The following DSCAM variants were observed in gnomAD, a reference collection of about 807,000 sequenced individuals.
DSCAM encodes DS cell adhesion molecule, also known as cell adhesion molecule DSCAM.
Under a neutral mutation model 217.7 loss-of-function variants are expected in DSCAM, and 47 were observed. The ratio of observed to expected loss-of-function variants is 0.22; its 90% CI spans 0.17 to 0.28. The LOEUF is 0.28. Ranked by LOEUF, DSCAM falls within the 10% of genes least tolerant of loss-of-function variation. The pLI, the probability that DSCAM is intolerant of heterozygous loss-of-function variation, is 1.00. For missense variants in DSCAM, 2,080 were observed against 2,618.3 expected, an observed-to-expected ratio of 0.79 and a Z score of 4.49; for synonymous variants, 1,056 against 1,015.3, an observed-to-expected ratio of 1.04 and a Z score of -0.76.
chr21:40,431,241 CA>C, intron 3 of DSCAM, among the ~76,000 whole-genome samples: 1 of 152,322 alleles, frequency 6.6e-6, no homozygotes, highest in Non-Finnish European at 1.5e-5. Flanking sequence ...TCTGCAGTTT[CA>C]CTGATACACA....
At chr21:40,205,467 G>T (rs2091114174) in intron 11 of DSCAM, among the ~76,000 whole-genome samples, 1 of 152,120 alleles carries the variant, frequency 6.6e-6, no homozygotes. Context: ...ACTGGGCATG[G>T]TGATGGTAGC....
intron 3 of DSCAM, among the ~76,000 whole-genome samples, chr21:40,638,392 C>A (rs886618685): frequency 7.9e-5 from 12 of 152,114 alleles, no homozygotes; most frequent in African/African-American, 2.9e-4. Context: ...TTATTTCTAT[C>A]AAAAATGAAT....
chr21:40,053,811 C>G (rs373321006), intron 29 of DSCAM, among the ~76,000 whole-genome samples: 1 of 152,156 alleles, frequency 6.6e-6, no homozygotes, highest in Non-Finnish European at 1.5e-5. Context: ...GTTAAGCCCC[C>G]CAGTGACCAG....
chr21:40,768,029 T>A (rs1017024771), intron 1 of DSCAM, among the ~76,000 whole-genome samples: 1 of 152,202 alleles, frequency 6.6e-6, no homozygotes, highest in Non-Finnish European at 1.5e-5. Flanking sequence ...ATGAATGTGA[T>A]TAAGTGGAAA....
chr21:40,688,681 T>C lies in DSCAM; in HGVS notation c.508+4129A>G, dbSNP rs9653730. Among the ~76,000 whole-genome samples the C allele has an allele frequency of 8.4e-3, 1,273 of 152,296 alleles. 6 individuals are homozygous for C. Among genetic ancestry groups the C allele is most frequent in the Non-Finnish European group, 0.015 (991 of 68,022 alleles). On this transcript the variant is annotated intron_variant, in intron 3 of 32. Coordinates refer to ENST00000400454, the MANE Select transcript of DSCAM (RefSeq NM_001389.5). Reference sequence around the variant, plus strand: ...TGTGTGCCTGTCTCTGAAATGCTTTTCCTCTGCACATTTACGACCCCACCC... The same window carrying C: ...TGTGTGCCTGTCTCTGAAATGCTTTCCCTCTGCACATTTACGACCCCACCC...
At chr21:40,021,030 G>T (rs1219927583) in intron 32 of DSCAM, among the ~76,000 whole-genome samples, 4 of 151,808 alleles carry the variant, frequency 2.6e-5, no homozygotes, top group Non-Finnish European at 5.9e-5. Flanking sequence ...ACATACCAGG[G>T]TCAGGGGAGG....
intron 3 of DSCAM, among the ~76,000 whole-genome samples, chr21:40,525,798 C>T (rs1032980169): frequency 1.3e-5 from 2 of 152,236 alleles, no homozygotes; most frequent in Non-Finnish European, 2.9e-5. Flanking sequence ...ACCCTCATTT[C>T]AGTCTCAGCC....
chr21:40,779,942 T>C (rs1039052678), intron 1 of DSCAM, among the ~76,000 whole-genome samples: 2 of 152,194 alleles, frequency 1.3e-5, no homozygotes, highest in African/African-American at 2.4e-5. Flanking sequence ...TACAGCTATA[T>C]CCATGGGAAG....
intron 11 of DSCAM, among the ~76,000 whole-genome samples, chr21:40,217,495 A>G (rs2091254023): frequency 1.3e-5 from 2 of 152,080 alleles, no homozygotes; most frequent in African/African-American, 4.8e-5. Flanking sequence ...TTTGTTGTAT[A>G]GATTATTTCA....
intron 3 of DSCAM, among the ~76,000 whole-genome samples, chr21:40,683,995 G>A (rs1466984839): frequency 6.6e-6 from 1 of 151,916 alleles, no homozygotes; most frequent in Non-Finnish European, 1.5e-5. Context: ...GGGAGGCCGA[G>A]GCGGGCAGAT....
chr21:40,567,436 TAAC>T (rs2076773215), intron 3 of DSCAM, among the ~76,000 whole-genome samples: 1 of 152,314 alleles, frequency 6.6e-6, no homozygotes, highest in East Asian at 1.9e-4. Flanking sequence ...CACCAAATAA[TAAC>T]AATTTGCTCT....
At chr21:40,018,032 G>GATCAAAT (rs3988431) in intron 32 of DSCAM, among the ~76,000 whole-genome samples, 1 of 151,792 alleles carries the variant, frequency 6.6e-6, no homozygotes, top group African/African-American at 2.4e-5. Context: ...GTTCCTGAAA[G>GATCAAAT]AATTTGAGTT....
intron 28 of DSCAM, among the ~76,000 whole-genome samples, 165 bp from the exon 29 acceptor site, chr21:40,056,005 GTTAT>G (rs1339785081): frequency 6.6e-6 from 1 of 152,146 alleles, no homozygotes; most frequent in Non-Finnish European, 1.5e-5. Context: ...TCATTCAAAT[GTTAT>G]TTATTTATTA....
At chr21:40,774,527 G>A (rs1284330972) in intron 1 of DSCAM, among the ~76,000 whole-genome samples, 1 of 152,206 alleles carries the variant, frequency 6.6e-6, no homozygotes. Flanking sequence ...GTTTCTAAAT[G>A]TGTCTCATAA....
At chr21:40,590,033 G>A (rs1036788446) in intron 3 of DSCAM, among the ~76,000 whole-genome samples, 7 of 152,198 alleles carry the variant, frequency 4.6e-5, no homozygotes, top group Non-Finnish European at 8.8e-5. Context: ...GGTAGATATT[G>A]TGTCTTCAAT....
chr21:40,656,936 T>C (rs2090083116), intron 3 of DSCAM, among the ~76,000 whole-genome samples: 1 of 152,244 alleles, frequency 6.6e-6, no homozygotes, highest in Admixed American at 6.5e-5. Flanking sequence ...ATGCTAACTG[T>C]GCATGAAGCA....
chr21:40,219,915 T>C (rs1482059115), intron 11 of DSCAM, among the ~76,000 whole-genome samples: 1 of 152,240 alleles, frequency 6.6e-6, no homozygotes, highest in Non-Finnish European at 1.5e-5. Flanking sequence ...TTTGAATATG[T>C]TTGGTGCAGT....
At chr21:40,472,049 T>C (rs1484185051) in intron 3 of DSCAM, among the ~76,000 whole-genome samples, 3 of 152,148 alleles carry the variant, frequency 2.0e-5, no homozygotes, top group Non-Finnish European at 4.4e-5. Flanking sequence ...CGGTGTTTGG[T>C]TTTTTGTCCA....
intron 1 of DSCAM, among the ~76,000 whole-genome samples, chr21:40,740,335 A>G (rs1395460829): frequency 2.0e-5 from 3 of 152,168 alleles, no homozygotes; most frequent in Non-Finnish European, 4.4e-5. Context: ...CCAGAATATT[A>G]AAGCCATATA....
Sources: allele counts gnomAD v4.1 joint callset (sites outside exome capture counted in the v4.1 genomes callset), GRCh38; gene constraint gnomAD v4.1.1; transcripts MANE v1.5; gene names NCBI Gene and HGNC (gene_info 2026-07-23, HGNC 2026-07-21).